The following PLD5 variants were observed in gnomAD, a reference collection of about 807,000 sequenced individuals.
PLD5 encodes the protein phospholipase D family member 5, also known as inactive phospholipase D5.
PLD5 carries 36 observed loss-of-function variants against 61.1 expected under a neutral mutation model. The ratio of observed to expected loss-of-function variants is 0.59; its 90% CI spans 0.45 to 0.78. The LOEUF (loss-of-function observed/expected upper bound fraction) is 0.78, where lower values mean the gene tolerates loss of function less well. Among genes scored for constraint, PLD5 ranks in the 30% least tolerant of loss-of-function variants. The pLI, the probability that PLD5 is intolerant of heterozygous loss-of-function variation, is 0.00. For synonymous variants in PLD5, 243 were observed against 242.8 expected (o/e 1.00, Z -0.01); for missense variants, 515 against 644.4 (o/e 0.80, Z 2.17).
intron 1 of PLD5, among the ~76,000 whole-genome samples, chr1:242,357,063 T>C (rs531413065): frequency 2.0e-4 from 31 of 152,156 alleles, no homozygotes; most frequent in Middle Eastern, 3.4e-3. Flanking sequence ...AGAAGCATTT[T>C]TTTTTTTAGC....
intron 1 of PLD5, among the ~76,000 whole-genome samples, chr1:242,501,425 T>G (rs1477730463): frequency 6.6e-6 from 1 of 152,240 alleles, no homozygotes; most frequent in Non-Finnish European, 1.5e-5. Context: ...TTCATATTAT[T>G]AATCCACTAA....
rs1271099922 is a variant in PLD5, at chr1:242,302,670, G to T, written c.327-14140C>A. On this transcript the variant is annotated intron_variant, in intron 2 of 9. Transcript: ENST00000536534. ...GGAATTTGAGGTTACAGTGAACTAT[G>T]ATCGTGCCACTGCACTCTAGCCTGG... Among the ~76,000 whole-genome samples the T allele has an allele frequency of 1.2e-4, 19 of 152,328 alleles. No individual in the cohort carries two copies. In the East Asian group the frequency reaches 3.7e-3, roughly 29 times the overall value.
intron 1 of PLD5, among the ~76,000 whole-genome samples, chr1:242,455,444 GATGGTGAAACAAGCAGCTTAATGAAGTGA>G (rs1666915573): frequency 6.6e-6 from 1 of 152,176 alleles, no homozygotes; most frequent in Admixed American, 6.5e-5. Flanking sequence ...GAGATTTAGT[GATGGTGAAACAAGCAGCTTAATGAAGTGA>G]AATCTCCTTA....
intron 1 of PLD5, among the ~76,000 whole-genome samples, chr1:242,517,093 T>A (rs1669127461): frequency 6.6e-6 from 1 of 152,232 alleles, no homozygotes; most frequent in Non-Finnish European, 1.5e-5. Flanking sequence ...ATTAAGTATA[T>A]CTGTAGTTTA....
At chr1:242,435,160 T>C (rs1219431870) in intron 1 of PLD5, among the ~76,000 whole-genome samples, 3 of 152,178 alleles carry the variant, frequency 2.0e-5, no homozygotes, top group Non-Finnish European at 2.9e-5. Flanking sequence ...AAAGTATTCA[T>C]GGATTTCCTA....
rs982627797 is a variant in PLD5 at position 242,082,990 on chromosome 1, G to A, written c.*6864C>T. 1 of 151,098 alleles carries A rather than the reference G, an allele frequency of 6.6e-6. No individual in the cohort carries two copies. Among genetic ancestry groups the A allele is most frequent in the African/African-American group, 2.4e-5 (1 of 41,104 alleles). The allele number at this position is 151,098 out of a possible 1,614,324, so 9.4% of individuals were successfully genotyped here. ...AAGAACAGACACACAGGTTACTTCA[G>A]TTAATGTGAGTTTATTTATGTCAAT... On this transcript the variant is annotated 3_prime_UTR_variant, in exon 10 of 10. Coordinates refer to ENST00000536534, the MANE Select transcript of PLD5 (RefSeq NM_001372062.1).
At chr1:242,526,573 C>T (rs1163148264), upstream of PLD5, among the ~76,000 whole-genome samples, 2 of 152,138 alleles carry the variant, frequency 1.3e-5, no homozygotes, top group African/African-American at 2.4e-5. Flanking sequence ...GTAACTGGGA[C>T]TACAGGTGCA....
At chr1:242,163,149 TTCTTTTC>T (rs1332927994) in intron 5 of PLD5, among the ~76,000 whole-genome samples, 1 of 147,882 alleles carries the variant, frequency 6.8e-6, no homozygotes, top group African/African-American at 2.5e-5. Context: ...TTTCTTTTCT[TTCTTTTC>T]TTGAGACGAC....
intron 3 of PLD5, among the ~76,000 whole-genome samples, chr1:242,284,920 A>G (rs1000757465): frequency 8.5e-5 from 13 of 152,208 alleles, no homozygotes; most frequent in African/African-American, 3.1e-4. Flanking sequence ...GAGGCAAAGC[A>G]AAATTAGGCT....
chr1:242,106,575 C>T (rs527965159), intron 8 of PLD5, among the ~76,000 whole-genome samples: 251 of 152,288 alleles, frequency 1.6e-3, no homozygotes, highest in Non-Finnish European at 2.8e-3. Flanking sequence ...GGAATGAAGG[C>T]TAAAGGGATG....
At chr1:242,445,432 C>T (rs184312627) in intron 1 of PLD5, among the ~76,000 whole-genome samples, 36 of 152,294 alleles carry the variant, frequency 2.4e-4, no homozygotes, top group Middle Eastern at 6.8e-3. Flanking sequence ...ACCTCTGCCT[C>T]CTGGGTTCAA....
In PLD5 at chr1:242,320,667, T is replaced by G. The variant is rs568632493; in HGVS notation, c.326+27439A>C. Among the ~76,000 whole-genome samples, 8 of 152,200 alleles carry G rather than the reference T, an allele frequency of 5.3e-5. No individual in the cohort carries two copies. The South Asian group carries it at 1.7e-3, about 32-fold the overall frequency. On this transcript the variant is annotated intron_variant, in intron 2 of 9. Coordinates refer to ENST00000536534, the MANE Select transcript of PLD5 (RefSeq NM_001372062.1). ...TCTGAGCCTTTGAGACATGATAATA[T>G]GAAGAGGCAGAAGCCAACGTATCAT...
intron 1 of PLD5, among the ~76,000 whole-genome samples, chr1:242,450,504 G>A (rs1316543152): frequency 1.3e-5 from 2 of 152,084 alleles, no homozygotes; most frequent in African/African-American, 4.8e-5. Context: ...GGCTTGGGTT[G>A]GGTTCCTTTT....
At chr1:242,385,257 A>ATGTTGGGGAAAAGCTGAG (rs1662531423) in intron 1 of PLD5, among the ~76,000 whole-genome samples, 1 of 152,176 alleles carries the variant, frequency 6.6e-6, no homozygotes, top group Non-Finnish European at 1.5e-5. Context: ...TTATTCTAAA[A>ATGTTGGGGAAAAGCTGAG]TGTTGGGGAA....
intron 1 of PLD5, among the ~76,000 whole-genome samples, chr1:242,473,545 G>T (rs899775438): frequency 2.6e-5 from 4 of 152,096 alleles, no homozygotes; most frequent in Non-Finnish European, 4.4e-5. Flanking sequence ...ATGAGTATAG[G>T]TATGCTCTAT....
intron 1 of PLD5, among the ~76,000 whole-genome samples, chr1:242,471,958 A>G (rs905587): frequency 0.7 from 105,895 of 152,110 alleles, 37,757 homozygotes; most frequent in African/African-American, 0.85. Context: ...AACATTGACT[A>G]AGCTGCTTCC....
rs192772601 is a variant in PLD5 at position 242,286,503 on chromosome 1, C to T, written c.495+1859G>A. Among the ~76,000 whole-genome samples, 136 of 152,234 alleles carry T rather than the reference C, an allele frequency of 8.9e-4. 1 individual carries two copies. In the Middle Eastern group the frequency reaches 0.01, roughly 11 times the overall value. On this transcript the variant is annotated intron_variant, in intron 3 of 9. Transcript: ENST00000536534. ...ACCAGAGACGGGAAACTGGGGGCTG[C>T]CATGGACCTGAATAAACACACTTAA...
At chr1:242,228,620 A>G (rs913935988) in intron 4 of PLD5, among the ~76,000 whole-genome samples, 2 of 151,646 alleles carry the variant, frequency 1.3e-5, no homozygotes, top group South Asian at 2.1e-4. Context: ...TAATAGAAAG[A>G]TAAGAGAAGT....
At chr1:242,337,244 T>C (rs1659568139) in intron 2 of PLD5, among the ~76,000 whole-genome samples, 3 of 152,248 alleles carry the variant, frequency 2.0e-5, no homozygotes, top group African/African-American at 7.2e-5. Flanking sequence ...TCTATTTTCA[T>C]AGAAGTATAA....
Sources: allele counts gnomAD v4.1 joint callset (sites outside exome capture counted in the v4.1 genomes callset), GRCh38; gene constraint gnomAD v4.1.1; transcripts MANE v1.5; gene names NCBI Gene and HGNC (gene_info 2026-07-23, HGNC 2026-07-21).